Variants in SPACA6 observed in about 807,000 individuals in gnomAD.
The protein encoded by SPACA6 is sperm acrosome membrane-associated protein 6.
For synonymous variants in SPACA6, 6 were observed against 1.5 expected, an observed-to-expected ratio of 4.05 and a Z score of -2.21; for missense variants, 8 against 2.8, an observed-to-expected ratio of 2.88 and a Z score of -1.34.
chr19:51,711,079 CA>C (rs2083539191), intron 2 of SPACA6, among the ~76,000 whole-genome samples: 1 of 151,340 alleles, frequency 6.6e-6, no homozygotes, highest in South Asian at 2.1e-4. Flanking sequence ...GACCCTATCT[CA>C]AAAAAGAAAA....
chr19:51,697,990 C>T (rs1472406965), intron 2 of SPACA6, among the ~76,000 whole-genome samples: 1 of 152,178 alleles, frequency 6.6e-6, no homozygotes, highest in Non-Finnish European at 1.5e-5. Context: ...ATTCTACACA[C>T]TTAGTGACAC....
chr19:51,701,642 C>T lies in SPACA6; in HGVS notation c.293-16C>T, dbSNP rs1266922217. The T allele has an allele frequency of 2.5e-6, 1 of 398,858 alleles. No individual in the cohort carries two copies. The highest frequency in any genetic ancestry group is 2.1e-5 in the African/African-American group (1 of 48,610). 24.7% of individuals were successfully genotyped at this position (398,858 alleles called of 1,614,324 possible). A position where few individuals can be genotyped will look rare whatever the true frequency, so the allele number is the denominator to read the frequency against. On this transcript the variant is annotated splice_polypyrimidine_tract_variant and intron_variant, in intron 2 of 8. Coordinates refer to ENST00000637797, the MANE Select transcript of SPACA6 (RefSeq NM_001316972.2). ...AGGGCTTTACTACACAGGCCGTCCT[C>T]CCCTCCACTCTCCAGGATCCTTTGA... is the stretch of plus-strand genomic sequence containing the variant.
chr19:51,703,720 T>C lies in SPACA6; in HGVS notation c.574-310T>C, dbSNP rs2083488746. On this transcript the variant is annotated intron_variant, in intron 6 of 8. Transcript: ENST00000637797. The surrounding 1 kb of genome is among the most constrained non-coding windows in gnomAD (Gnocchi z 4.2). Reference sequence around the variant, plus strand: ...AGGCTGAGCGGGAAGACTGCTTAAGTCCAGGAGTTTGAGGCTGCAGTGAGC... The same window carrying C: ...AGGCTGAGCGGGAAGACTGCTTAAGCCCAGGAGTTTGAGGCTGCAGTGAGC... Among the ~76,000 whole-genome samples the C allele has an allele frequency of 6.6e-6, 1 of 151,868 alleles. No individual in the cohort carries two copies. The highest frequency in any genetic ancestry group is 1.5e-5 in the Non-Finnish European group (1 of 67,978).
upstream of SPACA6, chr19:51,692,914 G>C (rs41275792): frequency 8.9e-4 from 474 of 529,612 alleles, no homozygotes; most frequent in Middle Eastern, 3.5e-3. The surrounding 1 kb of genome is among the most constrained non-coding windows in gnomAD (Gnocchi z 5.6). Flanking sequence ...GCCCCACTCA[G>C]GGACCCTTAG....
chr19:51,683,160 C>T, the SPACA6 span, among the ~76,000 whole-genome samples: 2 of 152,178 alleles, frequency 1.3e-5, no homozygotes, highest in African/African-American at 4.8e-5. Context: ...CTTGTTCTAG[C>T]TTCTGGTGGT....
downstream of SPACA6, among the ~76,000 whole-genome samples, chr19:51,708,768 A>C (rs1252879689): frequency 2.0e-5 from 3 of 152,108 alleles, no homozygotes; most frequent in African/African-American, 7.2e-5. Flanking sequence ...CAGAAGTTGC[A>C]GTGAGCTGAG....
At chr19:51,702,296 A>C (rs900224264) in intron 3 of SPACA6, among the ~76,000 whole-genome samples, 13 of 152,036 alleles carry the variant, frequency 8.6e-5, no homozygotes, top group African/African-American at 3.1e-4. Context: ...GGTCTCCTGC[A>C]AGGATCGCCC....
chr19:51,690,605 G>A (rs930492062), upstream of SPACA6, among the ~76,000 whole-genome samples: 3 of 152,150 alleles, frequency 2.0e-5, no homozygotes, highest in African/African-American at 7.2e-5. Context: ...CGCAGAGAGG[G>A]GGAGGGGGAC....
At chr19:51,705,986 A>G (rs4802843), downstream of SPACA6, among the ~76,000 whole-genome samples, 44,710 of 151,894 alleles carry the variant, frequency 0.29, 6,696 homozygotes, top group South Asian at 0.38. Flanking sequence ...GTGAGCCACC[A>G]AGCCCGGCCA....
chr19:51,683,818 G>A, the SPACA6 span, among the ~76,000 whole-genome samples: 1 of 152,120 alleles, frequency 6.6e-6, no homozygotes, highest in African/African-American at 2.4e-5. Context: ...TGATGAAACT[G>A]AGACATAGAG....
Position 51,693,408 on chromosome 19 carries a change from C to G in SPACA6, c.-119C>G. Reference sequence around the variant, plus strand: ...GACTCCTCATACCCTTCCTCCAGAGCATGACATTTGACCACCAACTGAAAC... The same window carrying G: ...GACTCCTCATACCCTTCCTCCAGAGGATGACATTTGACCACCAACTGAAAC... On this transcript the variant is annotated 5_prime_UTR_variant, in exon 1 of 9. Transcript: ENST00000637797. 1 of 660,938 alleles carries G rather than the reference C, an allele frequency of 1.5e-6. No individual in the cohort carries two copies. The highest frequency in any genetic ancestry group is 2.4e-4 in the Middle Eastern group (1 of 4,120). The allele number at this position is 660,938 out of a possible 1,614,324, so 40.9% of individuals were successfully genotyped here. A position where few individuals can be genotyped will look rare whatever the true frequency, so the allele number is the denominator to read the frequency against.
chr19:51,689,256 G>C (rs980747646), upstream of SPACA6: 10 of 143,498 alleles, frequency 7.0e-5, no homozygotes, highest in African/African-American at 2.2e-4. Flanking sequence ...CTCCGGGGCA[G>C]GGGGGAAGCC....
chr19:51,693,290 G>A (rs755486470), upstream of SPACA6: 1 of 748,666 alleles, frequency 1.3e-6, no homozygotes, highest in Non-Finnish European at 2.5e-6. Context: ...TTTAACCTGT[G>A]AGGACATCCA....
At position 51,693,505 on chromosome 19, in the gene SPACA6, C is replaced by A; in HGVS notation, c.-22C>A. 1 of 504,022 alleles carries A rather than the reference C, an allele frequency of 2.0e-6. No homozygotes were observed. Among genetic ancestry groups the A allele is most frequent in the South Asian group, 3.2e-5 (1 of 31,674 alleles). 31.2% of individuals were successfully genotyped at this position (504,022 alleles called of 1,614,324 possible). On this transcript the variant is annotated 5_prime_UTR_variant, in exon 1 of 9. Coordinates refer to ENST00000637797, the MANE Select transcript of SPACA6 (RefSeq NM_001316972.2). ...ACTTCATAAAGGTTACTAGCTTCTC[C>A]CCTGGCCTTGAGACCCACACGATGG...
upstream of SPACA6, among the ~76,000 whole-genome samples, chr19:51,690,485 G>T (rs2083360578): frequency 6.6e-6 from 1 of 151,970 alleles, no homozygotes; most frequent in Non-Finnish European, 1.5e-5. Context: ...CTCCTCTTTA[G>T]CCCCAGCTGG....
In SPACA6 at chr19:51,703,661, T is replaced by C. The variant is rs536911671; in HGVS notation, c.573+324T>C. On this transcript the variant is annotated intron_variant, in intron 6 of 8. Coordinates refer to ENST00000637797, the MANE Select transcript of SPACA6 (RefSeq NM_001316972.2). The surrounding 1 kb of genome is among the most constrained non-coding windows in gnomAD (Gnocchi z 4.2). ...AAAAATTTTAAAAACAGCCGGGGCG[T>C]GGTGGTGCACGCCTATAGTCCCAGC... is the stretch of plus-strand genomic sequence containing the variant. Among the ~76,000 whole-genome samples, 73 of 151,926 alleles carry C rather than the reference T, an allele frequency of 4.8e-4. 1 individual carries two copies. The highest frequency in any genetic ancestry group is 1.5e-3 in the African/African-American group (64 of 41,402).
chr19:51,699,075 A>G lies in SPACA6; in HGVS notation c.293-2583A>G, dbSNP rs541642292. On this transcript the variant is annotated intron_variant, in intron 2 of 8. Coordinates refer to ENST00000637797, the MANE Select transcript of SPACA6 (RefSeq NM_001316972.2). ...AGGCTGGGTGGAGGGCAGTGGTGCA[A>G]TCATAGCTCACTACAGCCTTGAACT... Among the ~76,000 whole-genome samples the G allele has an allele frequency of 7.2e-5, 11 of 152,294 alleles. No individual in the cohort carries two copies. In the East Asian group the frequency reaches 1.9e-3, roughly 27 times the overall value.
intron 2 of SPACA6, among the ~76,000 whole-genome samples, chr19:51,697,354 G>T (rs1292383443): frequency 6.6e-6 from 1 of 152,150 alleles, no homozygotes; most frequent in Non-Finnish European, 1.5e-5. Flanking sequence ...CAGTGGTCCG[G>T]GGGCCCAGAT....
upstream of SPACA6, among the ~76,000 whole-genome samples, chr19:51,688,913 G>C (rs937078313): frequency 1.5e-5 from 2 of 131,388 alleles, no homozygotes; most frequent in Admixed American, 7.9e-5. Context: ...GAGAGAGAGA[G>C]AGAGAGAACG....
Sources: gnomAD v4.1 joint callset for allele counts (sites outside exome capture counted in the v4.1 genomes callset) on GRCh38, gnomAD v4.1.1 for gene constraint, Gnocchi (gnomAD v3.1) non-coding constraint, MANE v1.5 for transcripts, NCBI Gene and HGNC (gene_info 2026-07-23, HGNC 2026-07-21) for gene names.